The following PTPRE variants were observed in gnomAD, a reference collection of about 807,000 sequenced individuals.
PTPRE encodes protein tyrosine phosphatase receptor type E, also known as receptor-type tyrosine-protein phosphatase epsilon.
PTPRE carries 51 observed loss-of-function variants against 102.0 expected under a neutral mutation model. That is an observed-to-expected ratio of 0.50 (90% CI 0.40 to 0.63). PTPRE has a LOEUF of 0.63. Ranked by LOEUF, PTPRE falls within the 30% of genes least tolerant of loss-of-function variation. PTPRE has a pLI of 0.00. For synonymous variants in PTPRE, 345 were observed against 348.2 expected (o/e 0.99, Z 0.10); for missense variants, 752 against 915.1 (o/e 0.82, Z 2.30).
At chr10:127,987,946 C>T (rs576986969) in intron 2 of PTPRE, among the ~76,000 whole-genome samples, 1 of 152,184 alleles carries the variant, frequency 6.6e-6, no homozygotes. Flanking sequence ...AGGCCAGGGC[C>T]GGCACTCTGT....
intron 12 of PTPRE, chr10:128,069,322 G>A (rs577321007): frequency 1.3e-4 from 25 of 187,990 alleles, no homozygotes; most frequent in Middle Eastern, 2.0e-3. Context: ...GGATACCAGA[G>A]CTGTTGCATA....
intron 2 of PTPRE, among the ~76,000 whole-genome samples, chr10:128,022,252 C>A (rs929330279): frequency 6.6e-6 from 1 of 152,184 alleles, no homozygotes; most frequent in African/African-American, 2.4e-5. Flanking sequence ...GTGCACCTGG[C>A]ACCCCGCTCC....
At chr10:128,005,559 T>A (rs1349566930) in intron 2 of PTPRE, among the ~76,000 whole-genome samples, 1 of 152,030 alleles carries the variant, frequency 6.6e-6, no homozygotes, top group Non-Finnish European at 1.5e-5. Flanking sequence ...TCTGAAAAAA[T>A]GGGTGAGTGA....
chr10:128,062,951 G>C, intron 9 of PTPRE, 132 bp from the exon 10 acceptor site: 1 of 1,462,226 alleles, frequency 6.8e-7, no homozygotes. Flanking sequence ...AGGGCATGAC[G>C]TGTGTGTCCC....
chr10:127,909,058 C>T (rs760889621), intron 1 of PTPRE, among the ~76,000 whole-genome samples: 4 of 152,212 alleles, frequency 2.6e-5, no homozygotes, highest in South Asian at 2.1e-4. Context: ...ACAGAGGCCA[C>T]CTCTCATTTC....
rs1554896085 is a variant in PTPRE, at chr10:127,944,500, A to ATGGATGGATGGATGGATGGATGGATAAG, written c.-31+37206_-31+37207insATGGATGGATAAGTGGATGGATGGATGG. On this transcript the variant is annotated intron_variant, in intron 1 of 20. Transcript: ENST00000254667. This position sits in a 1 kb window ranked among gnomAD's most constrained non-coding sequence, Gnocchi z 4.2. Reference sequence around the variant, plus strand: ...GATGGATGGATGGATGGATGGATGGATGGATGGATGGATGGGTGGATGGAT... The same window carrying ATGGATGGATGGATGGATGGATGGATAAG: ...GATGGATGGATGGATGGATGGATGGATGGATGGATGGATGGATGGATGGATAAGTGGATGGATGGATGGGTGGATGGAT... 7.7e-4 allele frequency among the ~76,000 whole-genome samples: 112 copies of ATGGATGGATGGATGGATGGATGGATAAG among 146,138 alleles called. 3 individuals are homozygous for ATGGATGGATGGATGGATGGATGGATAAG. The highest frequency in any genetic ancestry group is 2.2e-3 in the African/African-American group (87 of 38,978).
intron 2 of PTPRE, among the ~76,000 whole-genome samples, chr10:127,983,680 G>A (rs568058093): frequency 6.6e-6 from 1 of 152,272 alleles, no homozygotes; most frequent in African/African-American, 2.4e-5. Flanking sequence ...TTGAAATACA[G>A]GGCTCAGATT....
At chr10:127,970,355 AG>A (rs1045746944) in intron 1 of PTPRE, among the ~76,000 whole-genome samples, 29 of 152,288 alleles carry the variant, frequency 1.9e-4, no homozygotes, top group Admixed American at 9.2e-4. Flanking sequence ...TGCGGATGAA[AG>A]GGTTGTATTT....
chr10:128,032,722 A>G (rs1312929587), intron 2 of PTPRE, among the ~76,000 whole-genome samples: 1 of 152,212 alleles, frequency 6.6e-6, no homozygotes. Flanking sequence ...GTGAGATGCC[A>G]TGGTCATCAG....
At chr10:127,980,668 C>A (rs748908779) in intron 1 of PTPRE, among the ~76,000 whole-genome samples, 31 of 152,210 alleles carry the variant, frequency 2.0e-4, no homozygotes, top group South Asian at 1.7e-3. Flanking sequence ...TCCTTAGTTA[C>A]CAGAAGTATT....
chr10:127,977,309 C>A (rs767740657), intron 1 of PTPRE, among the ~76,000 whole-genome samples: 1 of 152,162 alleles, frequency 6.6e-6, no homozygotes. Flanking sequence ...ATTCCATATC[C>A]TTTCTTTATA....
intron 2 of PTPRE, among the ~76,000 whole-genome samples, chr10:127,989,933 C>T (rs933922555): frequency 6.6e-6 from 1 of 152,174 alleles, no homozygotes; most frequent in Non-Finnish European, 1.5e-5. Flanking sequence ...CATTCGCTCA[C>T]TGAGGGTTTA....
chr10:127,984,159 G>A (rs1851885063), intron 2 of PTPRE, among the ~76,000 whole-genome samples: 3 of 146,018 alleles, frequency 2.1e-5, no homozygotes, highest in Non-Finnish European at 4.4e-5. Context: ...TCGGCTCACT[G>A]CAACCTCTGC....
chr10:127,950,286 T>A (rs1160103736), intron 1 of PTPRE, among the ~76,000 whole-genome samples: 1 of 152,176 alleles, frequency 6.6e-6, no homozygotes, highest in Admixed American at 6.5e-5. Flanking sequence ...CTGCAGTTAA[T>A]GCTGCAGCGC....
At chr10:128,060,252 C>CCA in intron 7 of PTPRE, among the ~76,000 whole-genome samples, 1 of 150,854 alleles carries the variant, frequency 6.6e-6, no homozygotes, top group East Asian at 2.0e-4. Flanking sequence ...ACCACACACA[C>CCA]CACACACACA....
At chr10:128,068,443 G>A (rs1014918598) in intron 12 of PTPRE, 157 bp downstream of exon 12, 1 of 792,568 alleles carries the variant, frequency 1.3e-6, no homozygotes, top group Non-Finnish European at 1.9e-6. Context: ...CAGGCCCCAA[G>A]AACCCTACAG....
intron 1 of PTPRE, among the ~76,000 whole-genome samples, chr10:127,950,179 G>T (rs1409625659): frequency 6.6e-6 from 1 of 152,004 alleles, no homozygotes; most frequent in Non-Finnish European, 1.5e-5. Context: ...CAGAAATTCG[G>T]GGAACATGTG....
At chr10:127,926,565 G>A (rs1847023689) in intron 1 of PTPRE, among the ~76,000 whole-genome samples, 1 of 152,180 alleles carries the variant, frequency 6.6e-6, no homozygotes, top group Non-Finnish European at 1.5e-5. Context: ...CATGCCGGGA[G>A]AGGAGGCTGG....
intron 1 of PTPRE, among the ~76,000 whole-genome samples, chr10:127,917,599 G>A (rs192608752): frequency 6.6e-6 from 1 of 152,300 alleles, no homozygotes; most frequent in East Asian, 1.9e-4. Context: ...TTGAGCCCAG[G>A]AGGTCGAGGC....
Sources: allele counts gnomAD v4.1 joint callset (sites outside exome capture counted in the v4.1 genomes callset), GRCh38; gene constraint gnomAD v4.1.1; non-coding constraint Gnocchi (gnomAD v3.1); transcripts MANE v1.5; gene names NCBI Gene and HGNC (gene_info 2026-07-23, HGNC 2026-07-21).